The following KCNQ1 variants were observed in gnomAD, a reference collection of about 807,000 sequenced individuals.
KCNQ1 encodes potassium voltage-gated channel subfamily Q member 1.
In KCNQ1, 49 loss-of-function variants were observed where a neutral mutation model predicts 72.4. The observed-to-expected ratio is 0.68, with a 90% CI of 0.54 to 0.86. KCNQ1 has a LOEUF of 0.86. KCNQ1 is among the 40% of genes least tolerant of loss of function. The pLI is 0.00. For synonymous variants in KCNQ1, 450 were observed against 412.6 expected (o/e 1.09, Z -1.10); for missense variants, 790 against 945.1 (o/e 0.84, Z 2.15).
intron 15 of KCNQ1, among the ~76,000 whole-genome samples, chr11:2,811,809 C>T (rs115381332): frequency 2.6e-5 from 4 of 152,282 alleles, no homozygotes; most frequent in African/African-American, 7.2e-5. Flanking sequence ...GAGGAGGGGC[C>T]GGCGAAAGCC....
intron 1 of KCNQ1, among the ~76,000 whole-genome samples, chr11:2,485,485 G>T (rs1846727295): frequency 6.6e-6 from 1 of 151,586 alleles, no homozygotes; most frequent in Non-Finnish European, 1.5e-5. Flanking sequence ...TTACAAAAAG[G>T]GAAGCACACT....
rs1312695792 is a variant in KCNQ1, at chr11:2,762,803, C to T, written c.1515-6041C>T. ...ACAGTTTCATCCTGAAACCATCTCCCCCCACCCCACCCCGTCCACGGAAAA... is the reference window on the plus strand; with the variant it reads ...ACAGTTTCATCCTGAAACCATCTCCTCCCACCCCACCCCGTCCACGGAAAA... On this transcript the variant is annotated intron_variant, in intron 11 of 15. Coordinates refer to ENST00000155840, the MANE Select transcript of KCNQ1 (RefSeq NM_000218.3). The surrounding 1 kb of genome is among the most constrained non-coding windows in gnomAD (Gnocchi z 4.3). 1.3e-5 allele frequency among the ~76,000 whole-genome samples: 2 copies of T among 152,164 alleles called. No individual in the cohort carries two copies. The highest frequency in any genetic ancestry group is 4.8e-5 in the African/African-American group (2 of 41,432).
chr11:2,714,304 C>A (rs2411884), intron 11 of KCNQ1, among the ~76,000 whole-genome samples: 2 of 152,146 alleles, frequency 1.3e-5, no homozygotes, highest in Non-Finnish European at 2.9e-5. Flanking sequence ...GGTCAGCCCC[C>A]TCCCAGGCCC....
In KCNQ1 at chr11:2,526,884, A is replaced by G. The variant is rs192088239; in HGVS notation, c.387-1044A>G. Among the ~76,000 whole-genome samples the G allele has an allele frequency of 1.3e-3, 194 of 152,142 alleles. No individual in the cohort carries two copies. The highest frequency in any genetic ancestry group is 4.5e-3 in the African/African-American group (188 of 41,474). On this transcript the variant is annotated intron_variant, in intron 1 of 15. Coordinates refer to ENST00000155840, the MANE Select transcript of KCNQ1 (RefSeq NM_000218.3). The surrounding 1 kb of genome is among the most constrained non-coding windows in gnomAD (Gnocchi z 6.1). Reference sequence around the variant, plus strand: ...GCAGAGGATCTATGCCGGGGCCCCCAGGGTCTGTGTGTGGCTTTCTCTGTT... The same window carrying G: ...GCAGAGGATCTATGCCGGGGCCCCCGGGGTCTGTGTGTGGCTTTCTCTGTT...
rs910043902 is a variant in KCNQ1 at position 2,565,584 on chromosome 11, C to T, written c.478-5044C>T. Among the ~76,000 whole-genome samples the T allele has an allele frequency of 6.6e-6, 1 of 152,166 alleles. No homozygotes were observed. The highest frequency in any genetic ancestry group is 2.4e-5 in the African/African-American group (1 of 41,424). On this transcript the variant is annotated intron_variant, in intron 2 of 15. Transcript: ENST00000155840. This position sits in a 1 kb window ranked among gnomAD's most constrained non-coding sequence, Gnocchi z 5.6. Reference sequence around the variant, plus strand: ...GATTCACACTCATGGTAGAACAGAGCTGAGGGTGCAGTGTGGGATGGGCTG... The same window carrying T: ...GATTCACACTCATGGTAGAACAGAGTTGAGGGTGCAGTGTGGGATGGGCTG...
chr11:2,776,960 A>C, intron 13 of KCNQ1, 26 bp from the exon 14 acceptor site: 3 of 1,613,024 alleles, frequency 1.9e-6, no homozygotes, highest in Non-Finnish European at 2.5e-6. Context: ...CCAGGTGTGA[A>C]CTGGTGTCTG....
intron 5 of KCNQ1, among the ~76,000 whole-genome samples, chr11:2,572,500 G>T (rs551574415): frequency 2.8e-4 from 42 of 152,340 alleles, no homozygotes; most frequent in African/African-American, 1.0e-3. Context: ...GGCTCTGTGG[G>T]GTGAGGGGAC....
chr11:2,676,449 G>A lies in KCNQ1; in HGVS notation c.1514+14368G>A. 1 of 398,672 alleles carries A rather than the reference G, an allele frequency of 2.5e-6. No individual in the cohort carries two copies. The highest frequency in any genetic ancestry group is 4.4e-6 in the Non-Finnish European group (1 of 226,090). 24.7% of individuals were successfully genotyped at this position (398,672 alleles called of 1,614,324 possible). A position where few individuals can be genotyped will look rare whatever the true frequency, so the allele number is the denominator to read the frequency against. On this transcript the variant is annotated intron_variant, in intron 11 of 15. Coordinates refer to ENST00000155840, the MANE Select transcript of KCNQ1 (RefSeq NM_000218.3). This position sits in a 1 kb window ranked among gnomAD's most constrained non-coding sequence, Gnocchi z 4.2. ...TTTTCCCAGATAGGACATGCTCACT[G>A]TTCTGCTCAGATTGTTAGCTGTAGT...
At chr11:2,583,953 G>A (rs372295254) in intron 7 of KCNQ1, among the ~76,000 whole-genome samples, 50 of 152,174 alleles carry the variant, frequency 3.3e-4, no homozygotes, top group African/African-American at 1.1e-3. Flanking sequence ...AGATTGTAAG[G>A]TGATGTGTCT....
chr11:2,807,795 C>G (rs1847410559), intron 15 of KCNQ1, among the ~76,000 whole-genome samples: 2 of 152,146 alleles, frequency 1.3e-5, no homozygotes, highest in Non-Finnish European at 2.9e-5. Context: ...CCTCTTTCCC[C>G]CATCACGATA....
chr11:2,593,211 G>A lies in KCNQ1; in HGVS notation c.1393+4357G>A, dbSNP rs1278553613. Among the ~76,000 whole-genome samples the A allele has an allele frequency of 2.0e-5, 3 of 152,238 alleles. No homozygotes were observed. Among genetic ancestry groups the A allele is most frequent in the Non-Finnish European group, 4.4e-5 (3 of 68,038 alleles). On this transcript the variant is annotated intron_variant, in intron 10 of 15. Transcript: ENST00000155840. The surrounding 1 kb of genome is among the most constrained non-coding windows in gnomAD (Gnocchi z 6.9). ...TTGACAAAGGGACTGGAGGCAGGTTGTCAGAGTAGGGCTGGCCGGAGGTGG... is the reference window on the plus strand; with the variant it reads ...TTGACAAAGGGACTGGAGGCAGGTTATCAGAGTAGGGCTGGCCGGAGGTGG...
chr11:2,700,014 G>A (rs761004097), intron 11 of KCNQ1: 102 of 398,176 alleles, frequency 2.6e-4, no homozygotes, highest in African/African-American at 1.0e-3. Flanking sequence ...CTGCGGCAGC[G>A]CTCCGACTGC....
At chr11:2,578,771 G>A (rs375934244) in intron 6 of KCNQ1, among the ~76,000 whole-genome samples, 9 of 152,252 alleles carry the variant, frequency 5.9e-5, no homozygotes, top group Non-Finnish European at 8.8e-5. Flanking sequence ...CTGGGCTCTC[G>A]AGGCTGGGCA....
Position 2,663,720 on chromosome 11 carries a change from C to G in KCNQ1, c.1514+1639C>G. 1 of 398,716 alleles carries G rather than the reference C, an allele frequency of 2.5e-6. No homozygotes were observed. Among genetic ancestry groups the G allele is most frequent in the Non-Finnish European group, 4.4e-6 (1 of 226,118 alleles). 24.7% of individuals were successfully genotyped at this position (398,716 alleles called of 1,614,324 possible). A position where few individuals can be genotyped will look rare whatever the true frequency, so the allele number is the denominator to read the frequency against. On this transcript the variant is annotated intron_variant, in intron 11 of 15. Coordinates refer to ENST00000155840, the MANE Select transcript of KCNQ1 (RefSeq NM_000218.3). The surrounding 1 kb of genome is among the most constrained non-coding windows in gnomAD (Gnocchi z 5.2). ...TTACCAACTCTTGGGTCTTGCAAGGCCCCTGCAGGTGAAGGTGGTGAGAGA... is the reference window on the plus strand; with the variant it reads ...TTACCAACTCTTGGGTCTTGCAAGGGCCCTGCAGGTGAAGGTGGTGAGAGA...
At position 2,775,830 on chromosome 11, in the gene KCNQ1, C is replaced by G. The variant is rs990409501; in HGVS notation, c.1591-130C>G. On this transcript the variant is annotated intron_variant, in intron 12 of 15. Transcript: ENST00000155840. Reference sequence around the variant, plus strand: ...GTGCACGCTTGGAACCAGGCTTATGCCATCACCACATAGGCGAGCTCCCAG... The same window carrying G: ...GTGCACGCTTGGAACCAGGCTTATGGCATCACCACATAGGCGAGCTCCCAG... The G allele has an allele frequency of 3.0e-5, 26 of 860,322 alleles. No homozygotes were observed. In the African/African-American group the frequency reaches 4.0e-4, roughly 13 times the overall value. 53.3% of individuals were successfully genotyped at this position (860,322 alleles called of 1,614,324 possible).
intron 6 of KCNQ1, among the ~76,000 whole-genome samples, chr11:2,578,033 G>T (rs11023355): frequency 6.6e-6 from 1 of 152,154 alleles, no homozygotes; most frequent in Non-Finnish European, 1.5e-5. Flanking sequence ...CTGCATGGGG[G>T]GAGCCCACCA....
rs1029087137 is a variant in KCNQ1 at position 2,762,634 on chromosome 11, G to A, written c.1515-6210G>A. On this transcript the variant is annotated intron_variant, in intron 11 of 15. Coordinates refer to ENST00000155840, the MANE Select transcript of KCNQ1 (RefSeq NM_000218.3). This position sits in a 1 kb window ranked among gnomAD's most constrained non-coding sequence, Gnocchi z 4.3. ...GGAGGTGAGCGGTTGGCAAGTGAACGTGATCACCTGAGCTCCGCCTCCTGT... is the reference window on the plus strand; with the variant it reads ...GGAGGTGAGCGGTTGGCAAGTGAACATGATCACCTGAGCTCCGCCTCCTGT... 6.6e-6 allele frequency among the ~76,000 whole-genome samples: 1 copy of A among 152,190 alleles called. No individual in the cohort carries two copies. Among genetic ancestry groups the A allele is most frequent in the African/African-American group, 2.4e-5 (1 of 41,446 alleles).
intron 2 of KCNQ1, among the ~76,000 whole-genome samples, chr11:2,528,888 G>A (rs1847558324): frequency 6.6e-6 from 1 of 152,214 alleles, no homozygotes; most frequent in Non-Finnish European, 1.5e-5. Context: ...CGATGGCCTC[G>A]GCAGTGGTAT....
rs138737456 is a variant in KCNQ1 at position 2,748,233 on chromosome 11, C to T, written c.1515-20611C>T. ...TCTCCTTGTGTCCCCAGACCTCGGGCGAGGGAGAAGCAAGTTCCCCTCAGG... is the reference window on the plus strand; with the variant it reads ...TCTCCTTGTGTCCCCAGACCTCGGGTGAGGGAGAAGCAAGTTCCCCTCAGG... On this transcript the variant is annotated intron_variant, in intron 11 of 15. Transcript: ENST00000155840. This position sits in a 1 kb window ranked among gnomAD's most constrained non-coding sequence, Gnocchi z 6.2. 2.3e-3 allele frequency among the ~76,000 whole-genome samples: 356 copies of T among 152,204 alleles called. 1 individual carries two copies. The highest frequency in any genetic ancestry group is 7.6e-3 in the African/African-American group (316 of 41,522).
Sources: allele counts gnomAD v4.1 joint callset (sites outside exome capture counted in the v4.1 genomes callset), GRCh38; gene constraint gnomAD v4.1.1; non-coding constraint Gnocchi (gnomAD v3.1); transcripts MANE v1.5; gene names NCBI Gene and HGNC (gene_info 2026-07-23, HGNC 2026-07-21).